The following SGCD variants were observed in gnomAD, a reference collection of about 807,000 sequenced individuals.
SGCD encodes the protein delta-sarcoglycan.
A neutral mutation model predicts 36.6 loss-of-function variants in SGCD; 18 were observed. That is an observed-to-expected ratio of 0.49 (90% CI 0.34 to 0.73). The LOEUF (loss-of-function observed/expected upper bound fraction) is 0.73, where lower values mean the gene tolerates loss of function less well. SGCD is among the 30% of genes least tolerant of loss of function. SGCD has a pLI of 0.01. For synonymous variants in SGCD, 133 were observed against 130.6 expected (o/e 1.02, Z -0.12); for missense variants, 387 against 346.7 (o/e 1.12, Z -0.92).
At chr5:155,910,719 T>G (rs572057840) in intron 1 of SGCD, among the ~76,000 whole-genome samples, 22 of 152,276 alleles carry the variant, frequency 1.4e-4, no homozygotes, top group African/African-American at 5.3e-4. Flanking sequence ...AAATGGTAAC[T>G]AATTTGTCAC....
chr5:156,125,826 T>C (rs1407953741), intron 3 of SGCD, among the ~76,000 whole-genome samples: 3 of 147,058 alleles, frequency 2.0e-5, no homozygotes, highest in Non-Finnish European at 4.5e-5. Flanking sequence ...AGTTACTTCT[T>C]CCCACTCATT....
At chr5:155,992,736 A>G (rs1758458686) in intron 1 of SGCD, among the ~76,000 whole-genome samples, 1 of 152,162 alleles carries the variant, frequency 6.6e-6, no homozygotes, top group Non-Finnish European at 1.5e-5. Flanking sequence ...GCACAGCAAG[A>G]ATAATTTTTT....
At chr5:155,758,914 G>A in the SGCD span, among the ~76,000 whole-genome samples, 3 of 152,244 alleles carry the variant, frequency 2.0e-5, no homozygotes, top group African/African-American at 7.2e-5. Context: ...TTGTCCTCAG[G>A]GAAGTTGGTG....
At chr5:155,851,047 G>A in the SGCD span, among the ~76,000 whole-genome samples, 1 of 152,176 alleles carries the variant, frequency 6.6e-6, no homozygotes, top group Non-Finnish European at 1.5e-5. Flanking sequence ...TATTTTGGGA[G>A]TGCCAGTTGA....
intron 7 of SGCD, among the ~76,000 whole-genome samples, chr5:156,720,160 T>G (rs1355816029): frequency 6.6e-6 from 1 of 152,178 alleles, no homozygotes; most frequent in Non-Finnish European, 1.5e-5. Context: ...TCTAAGTGTT[T>G]CAATGAACAG....
chr5:156,728,994 G>T (rs1483209728), intron 7 of SGCD, among the ~76,000 whole-genome samples: 2 of 152,098 alleles, frequency 1.3e-5, no homozygotes, highest in African/African-American at 4.8e-5. Context: ...TGTAAACAAG[G>T]TCTATCCTTA....
At chr5:156,561,052 A>G (rs1199735817) in intron 4 of SGCD, among the ~76,000 whole-genome samples, 1 of 151,316 alleles carries the variant, frequency 6.6e-6, no homozygotes, top group Non-Finnish European at 1.5e-5. Flanking sequence ...TTCCAAGGGG[A>G]AAAAAATGCA....
At chr5:156,020,098 C>T (rs1759067629) in intron 1 of SGCD, among the ~76,000 whole-genome samples, 1 of 152,166 alleles carries the variant, frequency 6.6e-6, no homozygotes, top group African/African-American at 2.4e-5. Flanking sequence ...TTTCCTGATC[C>T]TTCCACCTAG....
At chr5:156,234,045 G>A (rs894880578) in intron 3 of SGCD, among the ~76,000 whole-genome samples, 2 of 152,108 alleles carry the variant, frequency 1.3e-5, no homozygotes, top group African/African-American at 4.8e-5. Context: ...CTACATCCTT[G>A]TCAGCATTTG....
chr5:156,719,115 A>G (rs1755363103), intron 7 of SGCD, among the ~76,000 whole-genome samples: 2 of 152,128 alleles, frequency 1.3e-5, no homozygotes, highest in South Asian at 4.1e-4. Flanking sequence ...ATAGAAAAAG[A>G]TTTATTTTAA....
chr5:156,538,699 C>T (rs896312315), intron 4 of SGCD, among the ~76,000 whole-genome samples: 2 of 151,844 alleles, frequency 1.3e-5, no homozygotes, highest in African/African-American at 4.8e-5. Flanking sequence ...CATTTTACGG[C>T]CCAGAGTAGA....
intron 7 of SGCD, among the ~76,000 whole-genome samples, chr5:156,667,540 G>T (rs1196598957): frequency 3.3e-5 from 5 of 152,206 alleles, no homozygotes; most frequent in Non-Finnish European, 7.3e-5. Context: ...GATTACAGGA[G>T]AAGTAGAAAA....
At chr5:155,870,666 A>G (rs1755613744) in intron 1 of SGCD, among the ~76,000 whole-genome samples, 1 of 152,162 alleles carries the variant, frequency 6.6e-6, no homozygotes, top group Non-Finnish European at 1.5e-5. Context: ...TTTTTCCTGA[A>G]TACCAACTCT....
intron 1 of SGCD, among the ~76,000 whole-genome samples, chr5:156,014,421 C>T (rs1758922156): frequency 6.6e-6 from 1 of 152,116 alleles, no homozygotes. Context: ...TTTGCTTTAT[C>T]ATCCATGTGT....
chr5:156,391,388 G>T (rs1055178835), intron 3 of SGCD, among the ~76,000 whole-genome samples: 1 of 152,148 alleles, frequency 6.6e-6, no homozygotes, highest in Admixed American at 6.5e-5. Context: ...GTGAAATGAC[G>T]CATGGCTGTA....
At chr5:156,038,221 A>G (rs1453838160) in intron 1 of SGCD, among the ~76,000 whole-genome samples, 1 of 152,150 alleles carries the variant, frequency 6.6e-6, no homozygotes, top group African/African-American at 2.4e-5. Context: ...CATTAGATAG[A>G]TCCTAAGGCA....
intron 1 of SGCD, among the ~76,000 whole-genome samples, chr5:155,946,193 T>G (rs1165778407): frequency 6.6e-6 from 1 of 152,154 alleles, no homozygotes; most frequent in African/African-American, 2.4e-5. Flanking sequence ...AGAAGCATGT[T>G]GATTTTTAGG....
chr5:156,297,539 C>G (rs1766927346), intron 3 of SGCD, among the ~76,000 whole-genome samples: 1 of 147,124 alleles, frequency 6.8e-6, no homozygotes, highest in African/African-American at 2.5e-5. Context: ...ATCGCAAGAA[C>G]AAAAAACCAA....
chr5:155,738,591 A>C, the SGCD span, among the ~76,000 whole-genome samples: 1 of 152,174 alleles, frequency 6.6e-6, no homozygotes, highest in African/African-American at 2.4e-5. Flanking sequence ...GTAATGATTA[A>C]GAAGCTAGAT....
Sources: allele counts gnomAD v4.1 joint callset (sites outside exome capture counted in the v4.1 genomes callset), GRCh38; gene constraint gnomAD v4.1.1; transcripts MANE v1.5; gene names NCBI Gene and HGNC (gene_info 2026-07-23, HGNC 2026-07-21).